The following TVP23A variants were observed in gnomAD, a reference collection of about 807,000 sequenced individuals.
TVP23A encodes the protein Golgi apparatus membrane protein TVP23 homolog A.
In TVP23A, 21 loss-of-function variants were observed where a neutral mutation model predicts 31.7. That is an observed-to-expected ratio of 0.66 (90% confidence interval 0.47 to 0.95). TVP23A has a LOEUF of 0.95. Ranked by LOEUF, TVP23A falls within the 40% of genes least tolerant of loss-of-function variation. The probability of loss-of-function intolerance (pLI) is 0.00; values close to 1 mark genes in which losing one functional copy is unlikely to be tolerated. For synonymous variants in TVP23A, 104 were observed against 96.0 expected (o/e 1.08, Z -0.49); for missense variants, 279 against 255.6 (o/e 1.09, Z -0.62).
intron 2 of TVP23A, among the ~76,000 whole-genome samples, chr16:10,786,844 C>A (rs1456725053): frequency 6.6e-6 from 1 of 151,986 alleles, no homozygotes; most frequent in Non-Finnish European, 1.5e-5. Flanking sequence ...GCAGAAGCAG[C>A]CCTGACTTTG....
intron 2 of TVP23A, among the ~76,000 whole-genome samples, chr16:10,813,490 T>C (rs1261009797): frequency 6.6e-6 from 1 of 152,200 alleles, no homozygotes; most frequent in African/African-American, 2.4e-5. Context: ...TTGGATCCTT[T>C]GGGAGCACTT....
chr16:10,791,335 C>G (rs2033091413), intron 2 of TVP23A, among the ~76,000 whole-genome samples: 1 of 152,180 alleles, frequency 6.6e-6, no homozygotes, highest in Non-Finnish European at 1.5e-5. Flanking sequence ...GGTGGCTTCT[C>G]TGCTACTGAT....
chr16:10,758,368 G>A (rs1304518950), downstream of TVP23A, among the ~76,000 whole-genome samples: 1 of 152,224 alleles, frequency 6.6e-6, no homozygotes, highest in Non-Finnish European at 1.5e-5. Flanking sequence ...AGCTACTTGG[G>A]AGGCTGAGGT....
exon 9 of TVP23A, chr16:10,761,238 T>A (rs1370353286): frequency 3.8e-6 from 3 of 790,720 alleles, no homozygotes; most frequent in Non-Finnish European, 6.1e-6. Flanking sequence ...CCAAACCCTA[T>A]CAGGGCAGAA....
intron 2 of TVP23A, among the ~76,000 whole-genome samples, chr16:10,808,916 G>T (rs1351599017): frequency 6.6e-6 from 1 of 152,180 alleles, no homozygotes; most frequent in African/African-American, 2.4e-5. Context: ...GAAATTCATG[G>T]AAGCCCATGA....
chr16:10,768,929 T>C lies in TVP23A; in HGVS notation c.*173A>G. 2 of 837,882 alleles carry C rather than the reference T, an allele frequency of 2.4e-6. No individual in the cohort carries two copies. Among genetic ancestry groups the C allele is most frequent in the East Asian group, 2.5e-5 (1 of 40,422 alleles). 51.9% of individuals were successfully genotyped at this position (837,882 alleles called of 1,614,324 possible). ...AGGGCATCACAGACACAGGTCTTTT[T>C]ATGGAACTAGCCAGAGGATTCCACC... On this transcript the variant is annotated 3_prime_UTR_variant, in exon 8 of 8. Transcript: ENST00000299866. This position sits in a 1 kb window ranked among gnomAD's most constrained non-coding sequence, Gnocchi z 4.3.
chr16:10,805,569 G>T (rs898657348), intron 2 of TVP23A, among the ~76,000 whole-genome samples: 2 of 148,594 alleles, frequency 1.3e-5, no homozygotes, highest in Non-Finnish European at 3.0e-5. Context: ...CTCCTGTCAC[G>T]AGTGAAGGGT....
At chr16:10,762,080 A>T, downstream of TVP23A, 2 of 483,542 alleles carry the variant, frequency 4.1e-6, no homozygotes, top group Non-Finnish European at 7.5e-6. Context: ...CCTCAGGCAG[A>T]GGGGTGAGGC....
intron 2 of TVP23A, among the ~76,000 whole-genome samples, chr16:10,809,489 A>T (rs112711868): frequency 6.6e-6 from 1 of 152,252 alleles, no homozygotes; most frequent in Non-Finnish European, 1.5e-5. Context: ...AGCTTCTGTG[A>T]TTCAAGGTAA....
chr16:10,805,893 G>GGT (rs1397863116), intron 2 of TVP23A, among the ~76,000 whole-genome samples: 11 of 152,024 alleles, frequency 7.2e-5, no homozygotes, highest in Admixed American at 2.0e-4. Flanking sequence ...TTCTCAAAGA[G>GGT]GTGGGCGATC....
intron 2 of TVP23A, among the ~76,000 whole-genome samples, chr16:10,798,087 C>T (rs8044621): frequency 0.25 from 37,560 of 150,596 alleles, 9,738 homozygotes; most frequent in African/African-American, 0.67. Context: ...TCCCGAGTAG[C>T]TGGGACTACA....
rs1353110962 is a variant in TVP23A at position 10,768,120 on chromosome 16, G to A, written c.*982C>T. On this transcript the variant is annotated 3_prime_UTR_variant, in exon 8 of 8. Coordinates refer to ENST00000299866, the MANE Select transcript of TVP23A (RefSeq NM_001079512.4). This position sits in a 1 kb window ranked among gnomAD's most constrained non-coding sequence, Gnocchi z 4.3. ...CAGGGGTGTGGAAGGACAGGTGGGTGGTGGGGTCTGTGATGACCACAGAGT... is the reference window on the plus strand; with the variant it reads ...CAGGGGTGTGGAAGGACAGGTGGGTAGTGGGGTCTGTGATGACCACAGAGT... 2.3e-6 allele frequency: 3 copies of A among 1,293,864 alleles called. No homozygotes were observed. Among genetic ancestry groups the A allele is most frequent in the Non-Finnish European group, 3.3e-6 (3 of 901,080 alleles). The allele number at this position is 1,293,864 out of a possible 1,614,324, so 80.1% of individuals were successfully genotyped here.
intron 2 of TVP23A, among the ~76,000 whole-genome samples, chr16:10,808,113 T>C (rs1187405124): frequency 6.6e-6 from 1 of 152,220 alleles, no homozygotes; most frequent in African/African-American, 2.4e-5. Context: ...GAGAAAATGA[T>C]AGTGCCTAGG....
At position 10,767,540 on chromosome 16, in the gene TVP23A, T is replaced by C. The variant is rs1453676616; in HGVS notation, c.*1562A>G. Reference sequence around the variant, plus strand: ...CGCATAATCTTTCTGGAAAGACACCTAGAACACTAGTAGCCCTTTTCGGAC... The same window carrying C: ...CGCATAATCTTTCTGGAAAGACACCCAGAACACTAGTAGCCCTTTTCGGAC... On this transcript the variant is annotated 3_prime_UTR_variant, in exon 8 of 8. Transcript: ENST00000299866. This position sits in a 1 kb window ranked among gnomAD's most constrained non-coding sequence, Gnocchi z 4.6. 4.5e-6 allele frequency: 2 copies of C among 447,378 alleles called. No homozygotes were observed. Among genetic ancestry groups the C allele is most frequent in the Non-Finnish European group, 7.8e-6 (2 of 255,990 alleles). The allele number at this position is 447,378 out of a possible 1,614,324, so 27.7% of individuals were successfully genotyped here.
At chr16:10,792,203 C>G (rs1202464636) in intron 2 of TVP23A, among the ~76,000 whole-genome samples, 1 of 152,208 alleles carries the variant, frequency 6.6e-6, no homozygotes, top group Non-Finnish European at 1.5e-5. Context: ...CCTATTAAAC[C>G]TCTGCTTCTA....
chr16:10,816,228 C>CAA (rs760801777), intron 2 of TVP23A, among the ~76,000 whole-genome samples: 23 of 73,806 alleles, frequency 3.1e-4, no homozygotes, highest in African/African-American at 6.4e-4. Flanking sequence ...AACCCTATCT[C>CAA]AAAAAAAAAA....
chr16:10,798,856 G>T (rs2033548145), intron 2 of TVP23A, among the ~76,000 whole-genome samples: 1 of 151,956 alleles, frequency 6.6e-6, no homozygotes, highest in Admixed American at 6.6e-5. Context: ...AAGAGATGGG[G>T]TTTCACCATG....
chr16:10,759,227 A>G (rs1013560545), downstream of TVP23A, among the ~76,000 whole-genome samples: 2 of 152,214 alleles, frequency 1.3e-5, no homozygotes, highest in African/African-American at 2.4e-5. This position sits in a 1 kb window ranked among gnomAD's most constrained non-coding sequence, Gnocchi z 4.7. Context: ...TGAGGAACAC[A>G]GGTGCTGGAC....
intron 2 of TVP23A, among the ~76,000 whole-genome samples, chr16:10,781,933 C>CTCACTGCAGCCTCCGCCTCCCGGGT (rs1209502785): frequency 7.2e-6 from 1 of 138,618 alleles, no homozygotes; most frequent in Non-Finnish European, 1.5e-5. Flanking sequence ...ATGATCTCGG[C>CTCACTGCAGCCTCCGCCTCCCGGGT]TCACTGCAGC....
Sources: allele counts gnomAD v4.1 joint callset (sites outside exome capture counted in the v4.1 genomes callset), GRCh38; gene constraint gnomAD v4.1.1; non-coding constraint Gnocchi (gnomAD v3.1); transcripts MANE v1.5; gene names NCBI Gene and HGNC (gene_info 2026-07-23, HGNC 2026-07-21).